The following SLC5A3 variants were observed in gnomAD, a reference collection of about 807,000 sequenced individuals.
SLC5A3 encodes sodium/myo-inositol cotransporter.
In SLC5A3, 10 loss-of-function variants were observed where a neutral mutation model predicts 43.2. That is an observed-to-expected ratio of 0.23 (90% CI 0.14 to 0.39). SLC5A3 has a LOEUF of 0.39. Ranked by LOEUF, SLC5A3 falls within the 10% of genes least tolerant of loss-of-function variation. The pLI is 1.00. For missense variants in SLC5A3, 608 were observed against 893.4 expected (o/e 0.68, Z 4.07); for synonymous variants, 349 against 322.0 (o/e 1.08, Z -0.90).
intron 1 of SLC5A3, among the ~76,000 whole-genome samples, chr21:34,079,136 A>G (rs1257078330): frequency 1.3e-5 from 2 of 152,172 alleles, no homozygotes; most frequent in African/African-American, 2.4e-5. Context: ...CTGACCTGTC[A>G]CCTATATTTT....
chr21:34,080,245 T>C (rs1989428898), intron 1 of SLC5A3, among the ~76,000 whole-genome samples: 2 of 152,196 alleles, frequency 1.3e-5, no homozygotes, highest in African/African-American at 4.8e-5. Flanking sequence ...CCATACTAAT[T>C]GATTGTATCA....
At position 34,104,522 on chromosome 21, in the gene SLC5A3, G is replaced by A; in HGVS notation, c.*7167G>A. 2.0e-6 allele frequency: 2 copies of A among 998,330 alleles called. No homozygotes were observed. The highest frequency in any genetic ancestry group is 1.2e-6 in the Non-Finnish European group (1 of 828,294). 61.8% of individuals were successfully genotyped at this position (998,330 alleles called of 1,614,324 possible). On this transcript the variant is annotated 3_prime_UTR_variant, in exon 2 of 2. Coordinates refer to ENST00000381151, the MANE Select transcript of SLC5A3 (RefSeq NM_006933.7). ...TTATATAATTATCCTTTTAGGGAAA[G>A]ACTTGGTCAACTCTAATATATCTAG...
intron 1 of SLC5A3, among the ~76,000 whole-genome samples, chr21:34,084,492 C>A (rs866855773): frequency 4.6e-5 from 7 of 152,200 alleles, no homozygotes; most frequent in Middle Eastern, 6.8e-3. Flanking sequence ...GATAATAATG[C>A]CTAACCTTAG....
At position 34,096,165 on chromosome 21, in the gene SLC5A3, C is replaced by G; in HGVS notation, c.967C>G (p.Leu323Val). The change falls in exon 2 of 2, where the codon CTG (leucine) becomes GTG (valine). Residue 323 changes from leucine (L) to valine (V), a missense_variant. Physicochemically the swap from Leu to Val is conservative, Grantham distance 32. Transcript: ENST00000381151. The surrounding 1 kb of genome is among the most constrained non-coding windows in gnomAD (Gnocchi z 5.9). ...IVVPGMISRI[L>V]FTDDIACINP... ...TGTCCCAGGAATGATTTCCAGGATA[C>G]TGTTTACTGATGATATAGCTTGCAT... The G allele has an allele frequency of 6.2e-7, 1 of 1,614,136 alleles. No individual in the cohort carries two copies. The highest frequency in any genetic ancestry group is 8.5e-7 in the Non-Finnish European group (1 of 1,179,996).
At position 34,104,145 on chromosome 21, in the gene SLC5A3, T is replaced by C. The variant is rs552656354; in HGVS notation, c.*6790T>C. On this transcript the variant is annotated 3_prime_UTR_variant, in exon 2 of 2. Transcript: ENST00000381151. ...CCTTTATTTTTTTCCTATACTTGAC[T>C]GTGCTTCATTTTAATAAAGGATAAT... 10 of 999,994 alleles carry C rather than the reference T, an allele frequency of 1.0e-5. No homozygotes were observed. The South Asian group carries it at 1.9e-4, about 19-fold the overall frequency. The allele number at this position is 999,994 out of a possible 1,614,324, so 61.9% of individuals were successfully genotyped here.
chr21:34,101,093 T>A lies in SLC5A3; in HGVS notation c.*3738T>A, dbSNP rs570682503. On this transcript the variant is annotated 3_prime_UTR_variant, in exon 2 of 2. Coordinates refer to ENST00000381151, the MANE Select transcript of SLC5A3 (RefSeq NM_006933.7). ...GACCTTTCCTGTTAAATTACGTGAC[T>A]ACAGAGACTTGCCAGGACAAAATTT... 3.0e-6 allele frequency: 3 copies of A among 1,000,102 alleles called. No homozygotes were observed. In the East Asian group the frequency reaches 3.4e-4, roughly 113 times the overall value. The allele number at this position is 1,000,102 out of a possible 1,614,324, so 62.0% of individuals were successfully genotyped here.
In SLC5A3 at chr21:34,099,338, C is replaced by G. The variant is rs904263559; in HGVS notation, c.*1983C>G. On this transcript the variant is annotated 3_prime_UTR_variant, in exon 2 of 2. Coordinates refer to ENST00000381151, the MANE Select transcript of SLC5A3 (RefSeq NM_006933.7). ...AAGAACAGAAACCAGGTCTCCAAAT[C>G]TGGACTCATGGTTTGTTCAGATGTG... 3 of 1,000,222 alleles carry G rather than the reference C, an allele frequency of 3.0e-6. No homozygotes were observed. The South Asian group carries it at 1.4e-4, about 47-fold the overall frequency. The allele number at this position is 1,000,222 out of a possible 1,614,324, so 62.0% of individuals were successfully genotyped here.
intron 1 of SLC5A3, among the ~76,000 whole-genome samples, chr21:34,077,682 C>A (rs143033418): frequency 1.3e-5 from 2 of 152,084 alleles, no homozygotes; most frequent in Non-Finnish European, 2.9e-5. Flanking sequence ...TAATACTCAA[C>A]GCAGATTATA....
At chr21:34,086,834 G>A (rs1402806638) in intron 1 of SLC5A3, among the ~76,000 whole-genome samples, 2 of 382 alleles carry the variant, frequency 5.2e-3, no homozygotes, top group Non-Finnish European at 0.01. Flanking sequence ...AGAGGTGGAA[G>A]AGGATTCTTC....
Position 34,103,856 on chromosome 21 carries a change from A to G in SLC5A3, c.*6501A>G. On this transcript the variant is annotated 3_prime_UTR_variant, in exon 2 of 2. Transcript: ENST00000381151. ...TTATATTTGGGGGTTACTAGCTAAA[A>G]TGGGGTTTGAGGGCTTTTTACTGCA... is the stretch of plus-strand genomic sequence containing the variant. 1.0e-6 allele frequency: 1 copy of G among 1,000,174 alleles called. No homozygotes were observed. Among genetic ancestry groups the G allele is most frequent in the African/African-American group, 1.7e-5 (1 of 57,346 alleles). The allele number at this position is 1,000,174 out of a possible 1,614,324, so 62.0% of individuals were successfully genotyped here.
chr21:34,081,525 T>A (rs907314740), intron 1 of SLC5A3, among the ~76,000 whole-genome samples: 1 of 152,182 alleles, frequency 6.6e-6, no homozygotes, highest in Non-Finnish European at 1.5e-5. Flanking sequence ...AGATACTGGA[T>A]GTGTTACCAT....
rs1412697049 is a variant in SLC5A3, at chr21:34,101,004, T to A, written c.*3649T>A. 3 of 1,000,068 alleles carry A rather than the reference T, an allele frequency of 3.0e-6. No homozygotes were observed. Among genetic ancestry groups the A allele is most frequent in the African/African-American group, 3.5e-5 (2 of 57,210 alleles). The allele number at this position is 1,000,068 out of a possible 1,614,324, so 61.9% of individuals were successfully genotyped here. On this transcript the variant is annotated 3_prime_UTR_variant, in exon 2 of 2. Coordinates refer to ENST00000381151, the MANE Select transcript of SLC5A3 (RefSeq NM_006933.7). Reference sequence around the variant, plus strand: ...CAGAGGCATGATGACTGGAAAGGGATCACATGGGTCGTTGGTGGTGACACC... The same window carrying A: ...CAGAGGCATGATGACTGGAAAGGGAACACATGGGTCGTTGGTGGTGACACC...
chr21:34,103,849 A>G lies in SLC5A3; in HGVS notation c.*6494A>G. The G allele has an allele frequency of 1.0e-6, 1 of 1,000,096 alleles. No individual in the cohort carries two copies. 62.0% of individuals were successfully genotyped at this position (1,000,096 alleles called of 1,614,324 possible). On this transcript the variant is annotated 3_prime_UTR_variant, in exon 2 of 2. Coordinates refer to ENST00000381151, the MANE Select transcript of SLC5A3 (RefSeq NM_006933.7). ...GCCAAAATTATATTTGGGGGTTACTAGCTAAAATGGGGTTTGAGGGCTTTT... is the reference window on the plus strand; with the variant it reads ...GCCAAAATTATATTTGGGGGTTACTGGCTAAAATGGGGTTTGAGGGCTTTT...
At position 34,098,762 on chromosome 21, in the gene SLC5A3, C is replaced by G. The variant is rs950670913; in HGVS notation, c.*1407C>G. On this transcript the variant is annotated 3_prime_UTR_variant, in exon 2 of 2. Coordinates refer to ENST00000381151, the MANE Select transcript of SLC5A3 (RefSeq NM_006933.7). ...GGCACCCACTTGCAGCTAGTGGGTA[C>G]AGGGTACAAAAGATGTTAGAGAAAA... 3.0e-6 allele frequency: 3 copies of G among 1,000,084 alleles called. No individual in the cohort carries two copies. Among genetic ancestry groups the G allele is most frequent in the Admixed American group, 1.2e-4 (2 of 16,242 alleles). 62.0% of individuals were successfully genotyped at this position (1,000,084 alleles called of 1,614,324 possible). A position where few individuals can be genotyped will look rare whatever the true frequency, so the allele number is the denominator to read the frequency against.
rs1979094661 is a variant in SLC5A3, at chr21:34,098,797, A to G, written c.*1442A>G. On this transcript the variant is annotated 3_prime_UTR_variant, in exon 2 of 2. Transcript: ENST00000381151. ...AAGATGTTAGAGAAAAGCTCTACAGATTACGTACTTCTGTGTCTTCGTATG... is the reference window on the plus strand; with the variant it reads ...AAGATGTTAGAGAAAAGCTCTACAGGTTACGTACTTCTGTGTCTTCGTATG... The G allele has an allele frequency of 1.0e-6, 1 of 1,000,110 alleles. No homozygotes were observed. The highest frequency in any genetic ancestry group is 4.7e-5 in the South Asian group (1 of 21,282). 62.0% of individuals were successfully genotyped at this position (1,000,110 alleles called of 1,614,324 possible).
At chr21:34,087,933 G>A (rs1978480343) in intron 1 of SLC5A3, among the ~76,000 whole-genome samples, 1 of 152,222 alleles carries the variant, frequency 6.6e-6, no homozygotes, top group Non-Finnish European at 1.5e-5. Context: ...AAAGTGAGCA[G>A]TCAAGGATGA....
intron 1 of SLC5A3, among the ~76,000 whole-genome samples, chr21:34,084,876 A>G (rs1486243853): frequency 6.6e-6 from 1 of 152,202 alleles, no homozygotes; most frequent in East Asian, 1.9e-4. Context: ...TAACACTTGT[A>G]TGATTTTTGC....
In SLC5A3 at chr21:34,102,303, CTT is replaced by C. The variant is rs990122597; in HGVS notation, c.*4949_*4950del. On this transcript the variant is annotated 3_prime_UTR_variant, in exon 2 of 2. Coordinates refer to ENST00000381151, the MANE Select transcript of SLC5A3 (RefSeq NM_006933.7). ...AATGTTTTTATTTAAACTTCTCTCT[CTT>C]CAATGCTGAGAATAAGGCTTTAAAT... 2 of 998,674 alleles carry C rather than the reference CTT, an allele frequency of 2.0e-6. No individual in the cohort carries two copies. Among genetic ancestry groups the C allele is most frequent in the African/African-American group, 3.5e-5 (2 of 57,186 alleles). The allele number at this position is 998,674 out of a possible 1,614,324, so 61.9% of individuals were successfully genotyped here.
intron 1 of SLC5A3, among the ~76,000 whole-genome samples, chr21:34,081,081 TAATG>T (rs1989448302): frequency 6.6e-6 from 1 of 152,186 alleles, no homozygotes; most frequent in Admixed American, 6.5e-5. Context: ...GTCATTAAAA[TAATG>T]ACTGTAGAAT....
Sources: gnomAD v4.1 joint callset for allele counts (sites outside exome capture counted in the v4.1 genomes callset) on GRCh38, gnomAD v4.1.1 for gene constraint, Gnocchi (gnomAD v3.1) non-coding constraint, MANE v1.5 for transcripts, NCBI Gene and HGNC (gene_info 2026-07-23, HGNC 2026-07-21) for gene names.